NFIA: variants seen among roughly 807,000 people sequenced by gnomAD.
NFIA encodes nuclear factor I A, also known as nuclear factor 1 A-type.
NFIA carries 8 observed loss-of-function variants against 62.8 expected under a neutral mutation model. The ratio of observed to expected loss-of-function variants is 0.13; its 90% CI spans 0.07 to 0.23. The LOEUF (loss-of-function observed/expected upper bound fraction) is 0.23. NFIA is among the 10% of genes least tolerant of loss of function. The pLI is 1.00. For missense variants in NFIA, 410 were observed against 642.1 expected, an observed-to-expected ratio of 0.64 and a Z score of 3.91; for synonymous variants, 235 against 238.1, an observed-to-expected ratio of 0.99 and a Z score of 0.12.
chr1:61,181,532 A>T (rs1297213136), intron 2 of NFIA, among the ~76,000 whole-genome samples: 1 of 152,212 alleles, frequency 6.6e-6, no homozygotes, highest in East Asian at 1.9e-4. Flanking sequence ...CTTTAGTTTT[A>T]TTATTGTTTT....
At chr1:61,442,439 A>G (rs552401055) in intron 10 of NFIA, among the ~76,000 whole-genome samples, 1 of 152,308 alleles carries the variant, frequency 6.6e-6, no homozygotes, top group South Asian at 2.1e-4. Context: ...CAACTATTAA[A>G]TCAACTATCA....
intron 9 of NFIA, among the ~76,000 whole-genome samples, chr1:61,422,746 T>TAAAA (rs55752729): frequency 3.7e-5 from 5 of 135,612 alleles, no homozygotes; most frequent in African/African-American, 1.4e-4. Flanking sequence ...CGTCTCTATT[T>TAAAA]AAAAAAAAAA....
At chr1:61,402,038 T>TTTTC (rs1215059750) in intron 7 of NFIA, among the ~76,000 whole-genome samples, 1 of 135,174 alleles carries the variant, frequency 7.4e-6, no homozygotes, top group African/African-American at 3.0e-5. Context: ...TTTTTCTTTT[T>TTTTC]TTTTTTTTTT....
chr1:61,223,970 GT>G (rs1570409309), intron 2 of NFIA, among the ~76,000 whole-genome samples: 1 of 152,050 alleles, frequency 6.6e-6, no homozygotes, highest in Admixed American at 6.6e-5. Context: ...TTACCAGAGG[GT>G]TCTTGCCTAA....
intron 2 of NFIA, among the ~76,000 whole-genome samples, chr1:61,248,047 T>C (rs777931059): frequency 3.3e-5 from 5 of 152,108 alleles, no homozygotes; most frequent in Non-Finnish European, 7.4e-5. Context: ...AAGCAAACAT[T>C]AGTCTGAGAA....
chr1:61,083,808 C>T (rs951683048), intron 1 of NFIA, among the ~76,000 whole-genome samples: 1 of 151,772 alleles, frequency 6.6e-6, no homozygotes, highest in Non-Finnish European at 1.5e-5. Context: ...ACTCCGGCCG[C>T]TCCGCGCGCA....
intron 2 of NFIA, among the ~76,000 whole-genome samples, chr1:61,258,036 A>T (rs926130656): frequency 6.6e-6 from 1 of 152,022 alleles, no homozygotes; most frequent in Admixed American, 6.6e-5. Context: ...TTTATCATGT[A>T]TACTATGTGC....
intron 9 of NFIA, among the ~76,000 whole-genome samples, chr1:61,413,739 G>GC (rs897093076): frequency 1.4e-5 from 2 of 141,808 alleles, no homozygotes; most frequent in African/African-American, 5.3e-5. Flanking sequence ...CGATTCTCCT[G>GC]CCTCAGCCTC....
intron 2 of NFIA, among the ~76,000 whole-genome samples, chr1:61,144,006 G>C (rs992470964): frequency 6.6e-6 from 1 of 152,142 alleles, no homozygotes; most frequent in Non-Finnish European, 1.5e-5. Context: ...CCGGTTATCT[G>C]TTTTTCAAAT....
At chr1:61,283,594 A>AG (rs1658289365) in intron 3 of NFIA, among the ~76,000 whole-genome samples, 1 of 110,010 alleles carries the variant, frequency 9.1e-6, no homozygotes, top group Admixed American at 1.1e-4. Flanking sequence ...AAAAAAAAAA[A>AG]AAAAAAAAAA....
upstream of NFIA, among the ~76,000 whole-genome samples, chr1:61,079,840 A>C (rs532063244): frequency 6.6e-6 from 1 of 152,272 alleles, no homozygotes; most frequent in African/African-American, 2.4e-5. Flanking sequence ...TTTTACCCCC[A>C]GTCTGCCCTT....
chr1:61,144,928 C>CAT (rs372391812), intron 2 of NFIA, among the ~76,000 whole-genome samples: 3 of 151,728 alleles, frequency 2.0e-5, no homozygotes, highest in Non-Finnish European at 4.4e-5. Context: ...GCACCTGACA[C>CAT]AGAGTCCTCT....
chr1:61,236,499 C>T (rs188277925), intron 2 of NFIA, among the ~76,000 whole-genome samples: 1 of 152,108 alleles, frequency 6.6e-6, no homozygotes, highest in Non-Finnish European at 1.5e-5. Flanking sequence ...TGACCCTTAC[C>T]TACAAAAATA....
At chr1:61,437,059 C>T (rs1423065959) in intron 10 of NFIA, among the ~76,000 whole-genome samples, 1 of 152,184 alleles carries the variant, frequency 6.6e-6, no homozygotes, top group East Asian at 1.9e-4. Flanking sequence ...CCACCAGGCA[C>T]AGTTGTTCTC....
chr1:61,363,159 C>T (rs910444926), intron 6 of NFIA, among the ~76,000 whole-genome samples: 3 of 152,202 alleles, frequency 2.0e-5, no homozygotes, highest in African/African-American at 7.2e-5. Flanking sequence ...CCCAAGCCCA[C>T]ACAGATAGTA....
At chr1:61,450,186 G>A (rs1667995780) in intron 10 of NFIA, among the ~76,000 whole-genome samples, 1 of 152,342 alleles carries the variant, frequency 6.6e-6, no homozygotes, top group African/African-American at 2.4e-5. Flanking sequence ...TATCCCCAGA[G>A]CCAGCATACA....
chr1:61,271,716 C>T (rs1257808657), intron 2 of NFIA, among the ~76,000 whole-genome samples: 1 of 152,210 alleles, frequency 6.6e-6, no homozygotes, highest in East Asian at 1.9e-4. Flanking sequence ...TTCCCCTGCA[C>T]CCCGCCACAG....
At chr1:61,096,269 A>G (rs1646410124) in intron 2 of NFIA, among the ~76,000 whole-genome samples, 1 of 152,074 alleles carries the variant, frequency 6.6e-6, no homozygotes, top group East Asian at 1.9e-4. Context: ...GCTGGAGTGC[A>G]GTGGCATGAT....
At chr1:61,111,302 G>A (rs1444716353) in intron 2 of NFIA, among the ~76,000 whole-genome samples, 11 of 152,026 alleles carry the variant, frequency 7.2e-5, no homozygotes, top group Non-Finnish European at 1.5e-4. Flanking sequence ...CCTACTGTGC[G>A]CTTATTCTGT....
Sources: gnomAD v4.1 joint callset for allele counts (sites outside exome capture counted in the v4.1 genomes callset) on GRCh38, gnomAD v4.1.1 for gene constraint, MANE v1.5 for transcripts, NCBI Gene and HGNC (gene_info 2026-07-23, HGNC 2026-07-21) for gene names.